The following RPS20 variants were observed in gnomAD, a reference collection of about 807,000 sequenced individuals.
RPS20 encodes the protein small ribosomal subunit protein uS10.
A neutral mutation model predicts 15.3 loss-of-function variants in RPS20; 3 were observed. The ratio of observed to expected loss-of-function variants is 0.20; its 90% confidence interval spans 0.09 to 0.51. RPS20 has a LOEUF of 0.51. Ranked by LOEUF, RPS20 falls within the 20% of genes least tolerant of loss-of-function variation. RPS20 has a pLI of 0.96. For missense variants in RPS20, 67 were observed against 145.9 expected (o/e 0.46, Z 2.79); for synonymous variants, 62 against 47.8 (o/e 1.30, Z -1.23).
downstream of RPS20, among the ~76,000 whole-genome samples, chr8:56,069,131 A>T (rs1809685795): frequency 6.6e-6 from 1 of 152,108 alleles, no homozygotes; most frequent in African/African-American, 2.4e-5. Flanking sequence ...ACAGAACAAA[A>T]GGTATAGAAG....
At chr8:56,069,141 G>T (rs545716656), downstream of RPS20, among the ~76,000 whole-genome samples, 1 of 151,850 alleles carries the variant, frequency 6.6e-6, no homozygotes, top group Non-Finnish European at 1.5e-5. Context: ...AGGTATAGAA[G>T]GATCTGGTTC....
In RPS20 at chr8:56,074,304, G is replaced by A. The variant is rs540646592; in HGVS notation, c.3+77C>T. The A allele has an allele frequency of 3.9e-6, 6 of 1,545,136 alleles. No individual in the cohort carries two copies. In the East Asian group the frequency reaches 1.2e-4, roughly 31 times the overall value. The stretch of plus-strand genomic sequence containing the variant: ...TACACGCCCCGGCATCTGCCCTCAG[G>A]AGCACGAACTCGAAACCGGGGTCCC... On this transcript the variant is annotated intron_variant, in intron 1 of 3. Coordinates refer to ENST00000009589, the MANE Select transcript of RPS20 (RefSeq NM_001023.4).
chr8:56,071,059 T>C (rs1033239046), downstream of RPS20, among the ~76,000 whole-genome samples: 1 of 152,224 alleles, frequency 6.6e-6, no homozygotes, highest in Non-Finnish European at 1.5e-5. Context: ...CAGTTTCAAA[T>C]TTTTTAGTGC....
rs970877491 is a variant in RPS20, at chr8:56,074,482, T to C, written c.-99A>G. 4.1e-5 allele frequency: 54 copies of C among 1,331,862 alleles called. No individual in the cohort carries two copies. The highest frequency in any genetic ancestry group is 2.5e-4 in the Middle Eastern group (1 of 3,978). The allele number at this position is 1,331,862 out of a possible 1,614,324, so 82.5% of individuals were successfully genotyped here. On this transcript the variant is annotated 5_prime_UTR_variant, in exon 1 of 4. Transcript: ENST00000009589. ...CGTGCGGACCAAAAATCCTCAGCCCTTACGACCGCGTCTTCCTCAAAAAGA... is the reference window on the plus strand; with the variant it reads ...CGTGCGGACCAAAAATCCTCAGCCCCTACGACCGCGTCTTCCTCAAAAAGA...
downstream of RPS20, chr8:56,069,960 A>G (rs976195294): frequency 9.0e-6 from 6 of 665,288 alleles, no homozygotes; most frequent in African/African-American, 1.1e-4. Flanking sequence ...ATTAGGTATT[A>G]CAAGTAATCT....
chr8:56,067,335 A>G (rs1809638779), exon 6 of RPS20: 1 of 152,218 alleles, frequency 6.6e-6, no homozygotes, highest in South Asian at 2.1e-4. Context: ...CAGATGAATG[A>G]ATTTTTAAAA....
chr8:56,072,552 C>CT (rs1432048391), downstream of RPS20, among the ~76,000 whole-genome samples: 1 of 148,966 alleles, frequency 6.7e-6, no homozygotes, highest in Non-Finnish European at 1.5e-5. Context: ...ACGCCGTCCC[C>CT]CCCCCCAAAA....
downstream of RPS20, among the ~76,000 whole-genome samples, chr8:56,070,167 T>C (rs1321417459): frequency 2.0e-5 from 3 of 152,202 alleles, no homozygotes; most frequent in African/African-American, 7.2e-5. Context: ...GAGAGAAATC[T>C]ATTCCCTTAA....
downstream of RPS20, chr8:56,069,656 A>C: frequency 8.0e-7 from 1 of 1,254,482 alleles, no homozygotes; most frequent in South Asian, 1.3e-5. Context: ...AAGTACAATT[A>C]AACAAAAAAG....
intron 3 of RPS20, 200 bp from the exon 4 acceptor site, chr8:56,073,472 G>A (rs576067268): frequency 9.5e-6 from 6 of 631,874 alleles, no homozygotes; most frequent in East Asian, 5.4e-5. Context: ...TAGAGCTTGC[G>A]CCTGTTAAGC....
In RPS20 at chr8:56,073,101, C is replaced by T. The variant is rs956405729; in HGVS notation, c.349G>A (p.Ala117Thr). 6.3e-7 allele frequency: 1 copy of T among 1,596,072 alleles called. No homozygotes were observed. Among genetic ancestry groups the T allele is most frequent in the Non-Finnish European group, 8.5e-7 (1 of 1,178,846 alleles). Reference sequence around the variant, plus strand: ...TTAAAATAGTTGACTTAAGCATCTGCAATGGTGACTTCCACCTCAACTCCT... The same window carrying T: ...TTAAAATAGTTGACTTAAGCATCTGTAATGGTGACTTCCACCTCAACTCCT... Reference protein sequence around the residue: ...EPGVEVEVTIADA With the variant: ...EPGVEVEVTITDA Residue 117 changes from alanine to threonine, a missense_variant, in exon 4 of 4, where the codon GCA (alanine) becomes ACA (threonine). By Grantham distance (58) the Ala-to-Thr change is moderately conservative. Transcript: ENST00000009589.
At position 56,074,095 on chromosome 8, in the gene RPS20, G is replaced by A. The variant is rs1809855855; in HGVS notation, c.68C>T (p.Thr23Ile). 1 of 1,613,884 alleles carries A rather than the reference G, an allele frequency of 6.2e-7. No individual in the cohort carries two copies. Among genetic ancestry groups the A allele is most frequent in the Non-Finnish European group, 8.5e-7 (1 of 1,179,970 alleles). ...PEVAIHRIRI[T>I]LTSRNVKSLE... ...GGATTTTACGTTGCGGCTTGTTAGG[G>A]TGATTCGAATTCGGTGAATTGCCAC... Residue 23 changes from threonine to isoleucine, a missense_variant, in exon 2 of 4, where the codon ACC becomes ATC. By Grantham distance (89) the Thr-to-Ile change is moderately conservative. Transcript: ENST00000009589.
At position 56,074,053 on chromosome 8, in the gene RPS20, C is replaced by A. The variant is rs773308557; in HGVS notation, c.103+7G>T. On this transcript the variant is annotated splice_region_variant and intron_variant, in intron 2 of 3. Transcript: ENST00000009589. ...CCCCCTCCCCCCCGCATAACGAATG[C>A]ACTGACCCTTTTCCAAGGATTTTAC... is the stretch of plus-strand genomic sequence containing the variant. 1.7e-5 allele frequency: 27 copies of A among 1,608,114 alleles called. No individual in the cohort carries two copies. The highest frequency in any genetic ancestry group is 2.1e-5 in the Non-Finnish European group (25 of 1,174,876).
chr8:56,073,755 C>T lies in RPS20; in HGVS notation c.117G>A (p.Leu39=), dbSNP rs1809837933. ...VKSLEKVCAD[L]IRGAKEKNLK... ...GATTCTTTTCTTTTGCGCCTCTTAT[C>T]AAGTCAGCACACACTACAGGAAATA... Residue 39 remains leucine (L), a synonymous_variant, in exon 3 of 4, where the codon TTG becomes TTA. Transcript: ENST00000009589. 4 of 1,613,928 alleles carry T rather than the reference C, an allele frequency of 2.5e-6. No individual in the cohort carries two copies. The highest frequency in any genetic ancestry group is 2.2e-5 in the South Asian group (2 of 91,088).
In RPS20 at chr8:56,074,327, C is replaced by T. The variant is rs1032428563; in HGVS notation, c.3+54G>A. 3.9e-6 allele frequency: 6 copies of T among 1,541,410 alleles called. No homozygotes were observed. The African/African-American group carries it at 6.8e-5, about 18-fold the overall frequency. On this transcript the variant is annotated intron_variant, in intron 1 of 3. Transcript: ENST00000009589. ...AGGAGCACGAACTCGAAACCGGGGT[C>T]CCCCCGGCGCCCGAGCCCTGCGTTG...
At chr8:56,073,560 T>C (rs115117932) in intron 3 of RPS20, 135 bp downstream of exon 3, 1 of 759,036 alleles carries the variant, frequency 1.3e-6, no homozygotes, top group African/African-American at 1.7e-5. Flanking sequence ...GGAACCGCAA[T>C]CTACCACCGA....
downstream of RPS20, among the ~76,000 whole-genome samples, chr8:56,069,315 G>A (rs201163763): frequency 5.5e-4 from 83 of 152,038 alleles, no homozygotes; most frequent in East Asian, 0.012. Flanking sequence ...TCGATCCACT[G>A]CACTTGGCAA....
chr8:56,069,600 T>G (rs1464410149), downstream of RPS20: 2 of 838,830 alleles, frequency 2.4e-6, no homozygotes, highest in African/African-American at 1.7e-5. Flanking sequence ...CGCCCAGCCA[T>G]AGTTCCTCTT....
Position 56,074,117 on chromosome 8 carries a change from C to T in RPS20, c.46G>A (p.Ala16Thr). 1.9e-6 allele frequency: 3 copies of T among 1,613,666 alleles called. No individual in the cohort carries two copies. The highest frequency in any genetic ancestry group is 2.5e-6 in the Non-Finnish European group (3 of 1,179,966). ...TGKTPVEPEV[A>T]IHRIRITLTS... ...AGGGTGATTCGAATTCGGTGAATTG[C>T]CACCTCCGGCTCCACGGGTGTTTTT... The change falls in exon 2 of 4, where the codon GCA becomes ACA. Residue 16 changes from alanine (A) to threonine (T), a missense_variant. Physicochemically the swap from Ala to Thr is moderately conservative, Grantham distance 58 (BLOSUM62 0). Transcript: ENST00000009589.
Sources: gnomAD v4.1 joint callset for allele counts (sites outside exome capture counted in the v4.1 genomes callset) on GRCh38, gnomAD v4.1.1 for gene constraint, MANE v1.5 for transcripts, NCBI Gene and HGNC (gene_info 2026-07-23, HGNC 2026-07-21) for gene names.